NAV2: variants seen among roughly 807,000 people sequenced by gnomAD.
NAV2 encodes helicase, APC down-regulated 1.
Under a neutral mutation model 223.2 loss-of-function variants are expected in NAV2, and 54 were observed. That is an observed-to-expected ratio of 0.24 (90% CI 0.19 to 0.30). NAV2 has a LOEUF of 0.30. Ranked by LOEUF, NAV2 falls within the 10% of genes least tolerant of loss-of-function variation. The pLI is 1.00. For missense variants in NAV2, 2,806 were observed against 3,147.5 expected, an observed-to-expected ratio of 0.89 and a Z score of 2.60; for synonymous variants, 1,279 against 1,239.3, an observed-to-expected ratio of 1.03 and a Z score of -0.67.
In NAV2 at chr11:20,051,274, T is replaced by G. The variant is rs781354128; in HGVS notation, c.4437-15T>G. ...CTGCTCTGAAGTTCTTATTTTTGTT[T>G]TAACTTTCCTACAGTGACCCGCACC... On this transcript the variant is annotated splice_polypyrimidine_tract_variant and intron_variant, in intron 16 of 37. Transcript: ENST00000349880. 4.3e-6 allele frequency: 7 copies of G among 1,613,632 alleles called. No individual in the cohort carries two copies.
At chr11:19,679,992 G>C (rs1257267650) in intron 1 of NAV2, among the ~76,000 whole-genome samples, 1 of 152,190 alleles carries the variant, frequency 6.6e-6, no homozygotes, top group African/African-American at 2.4e-5. Flanking sequence ...AAGGCACCTG[G>C]AGTGAGGGGC....
At chr11:19,708,129 A>C (rs2049728006), upstream of NAV2, among the ~76,000 whole-genome samples, 1 of 152,172 alleles carries the variant, frequency 6.6e-6, no homozygotes, top group Non-Finnish European at 1.5e-5. Flanking sequence ...TCTGGAAGAA[A>C]GTTTGAGATT....
Position 19,879,971 on chromosome 11 carries a change from C to T in NAV2, c.614C>T (p.Pro205Leu). The T allele has an allele frequency of 6.2e-7, 1 of 1,611,262 alleles. No individual in the cohort carries two copies. Among genetic ancestry groups the T allele is most frequent in the South Asian group, 1.1e-5 (1 of 90,950 alleles). The change falls in exon 5 of 38, where the codon CCT (proline) becomes CTT (leucine). Residue 205 changes from proline to leucine, a missense_variant. Transcript: ENST00000349880. ...QQPQKQHLSS[P>L]LPPAVSQVAG... ...CCCCAGAAGCAGCACCTCTCCTCAC[C>T]TCTGCCGCCCGCCGTATCCCAGGTG... is the stretch of plus-strand genomic sequence containing the variant.
chr11:19,550,177 G>A (rs78029243), intron 1 of NAV2, among the ~76,000 whole-genome samples: 9,018 of 152,074 alleles, frequency 0.059, 919 homozygotes, highest in African/African-American at 0.21. Flanking sequence ...GTCTAGAAAC[G>A]AAAAAGGGAA....
rs150370111 is a variant in NAV2 at position 19,892,488 on chromosome 11, C to T, written c.825C>T (p.Arg275=). The change falls in exon 6 of 38, where the codon CGC becomes CGT. Residue 275 remains arginine (R), a synonymous_variant. Transcript: ENST00000349880. ...CTGCAGGCAGCGAGGCCAAAACACG[C>T]GGAGGGTCAACTACTGCTAACAACC... ...VSAAGSEAKT[R]GGSTTANNRR... 5.1e-4 allele frequency: 828 copies of T among 1,614,018 alleles called. 2 individuals carry two copies. Among genetic ancestry groups the T allele is most frequent in the South Asian group, 7.6e-4 (69 of 91,064 alleles).
chr11:20,043,915 T>C, intron 12 of NAV2, 66 bp from the exon 13 acceptor site: 2 of 1,536,262 alleles, frequency 1.3e-6, no homozygotes, highest in Non-Finnish European at 1.8e-6. Flanking sequence ...CATTTTTGCC[T>C]TTGGAGTGAG....
chr11:19,530,913 G>A (rs191189569), intron 1 of NAV2, among the ~76,000 whole-genome samples: 1 of 152,310 alleles, frequency 6.6e-6, no homozygotes, highest in Admixed American at 6.5e-5. Context: ...AGGTTAGTTT[G>A]ACTTCAAAGT....
chr11:19,945,293 TTCTG>T (rs1164212766), intron 8 of NAV2, among the ~76,000 whole-genome samples: 4 of 151,272 alleles, frequency 2.6e-5, no homozygotes, highest in Non-Finnish European at 5.9e-5. Context: ...CTTCTTATCT[TTCTG>T]TCTTTCTCAT....
chr11:19,809,360 A>C (rs1479324089), intron 1 of NAV2, among the ~76,000 whole-genome samples: 2 of 152,222 alleles, frequency 1.3e-5, no homozygotes, highest in African/African-American at 4.8e-5. Context: ...TTATCCATGG[A>C]GGATTAAGAA....
chr11:19,346,928 A>G (rs1401880121), upstream of NAV2, among the ~76,000 whole-genome samples: 4 of 152,238 alleles, frequency 2.6e-5, no homozygotes, highest in South Asian at 2.1e-4. Context: ...GATTTTGGTG[A>G]TAAGTGTTAA....
At chr11:19,350,997 A>G in exon 1 of NAV2, 1 of 1,551,744 alleles carries the variant, frequency 6.4e-7, no homozygotes, top group Non-Finnish European at 8.7e-7. Context: ...AGAGAAAGCC[A>G]GTTATCCACG....
At chr11:20,116,638 G>A (rs557645255) in intron 37 of NAV2, among the ~76,000 whole-genome samples, 3 of 152,274 alleles carry the variant, frequency 2.0e-5, no homozygotes, top group Non-Finnish European at 4.4e-5. Context: ...ATCACTGGTT[G>A]GACACAGAAG....
chr11:19,927,949 T>C (rs1244532130), intron 6 of NAV2, among the ~76,000 whole-genome samples: 1 of 152,230 alleles, frequency 6.6e-6, no homozygotes, highest in South Asian at 2.1e-4. Context: ...GGCCTGATCA[T>C]GTTTCCAGAA....
chr11:19,671,385 T>C (rs2048567386), intron 1 of NAV2, among the ~76,000 whole-genome samples: 1 of 152,218 alleles, frequency 6.6e-6, no homozygotes, highest in East Asian at 1.9e-4. Context: ...CAGCTAGGAA[T>C]ATGTCTTGTT....
chr11:19,426,689 C>A (rs891120834), intron 1 of NAV2, among the ~76,000 whole-genome samples: 7 of 128,034 alleles, frequency 5.5e-5, no homozygotes, highest in Non-Finnish European at 1.2e-4. Context: ...GTAAACAGTC[C>A]CATCAATTTT....
intron 1 of NAV2, among the ~76,000 whole-genome samples, chr11:19,446,348 A>G (rs1851582419): frequency 6.6e-6 from 1 of 152,090 alleles, no homozygotes; most frequent in African/African-American, 2.4e-5. Flanking sequence ...AGCAATTTAA[A>G]TACAAATTTT....
chr11:19,563,370 G>T (rs2045164078), intron 1 of NAV2, among the ~76,000 whole-genome samples: 1 of 152,184 alleles, frequency 6.6e-6, no homozygotes, highest in Non-Finnish European at 1.5e-5. Context: ...ACTTAGGCTA[G>T]ATCTTTGTGA....
Position 20,056,691 on chromosome 11 carries a change from G to A in NAV2, c.4831+734G>A. ...CCCACCCCATGAAGATGGGGCTGAT[G>A]GGACATTGGCGGCAATGCTCATTAA... On this transcript the variant is annotated intron_variant, in intron 19 of 37. Coordinates refer to ENST00000349880, the MANE Select transcript of NAV2 (RefSeq NM_145117.5). 2.8e-6 allele frequency: 3 copies of A among 1,089,778 alleles called. No individual in the cohort carries two copies. In the South Asian group the frequency reaches 3.8e-5, roughly 14 times the overall value. 67.5% of individuals were successfully genotyped at this position (1,089,778 alleles called of 1,614,324 possible).
chr11:19,859,602 C>G (rs1316410064), intron 3 of NAV2, among the ~76,000 whole-genome samples: 1 of 152,126 alleles, frequency 6.6e-6, no homozygotes, highest in East Asian at 1.9e-4. Context: ...TCCCCCCTTT[C>G]TATTCCACAA....
Sources: gnomAD v4.1 joint callset for allele counts (sites outside exome capture counted in the v4.1 genomes callset) on GRCh38, gnomAD v4.1.1 for gene constraint, MANE v1.5 for transcripts, NCBI Gene and HGNC (gene_info 2026-07-23, HGNC 2026-07-21) for gene names.